The following RUSC2 variants were observed in gnomAD, a reference collection of about 807,000 sequenced individuals.
RUSC2 encodes RUN and SH3 domain containing 2, also known as AP-4 complex accessory subunit RUSC2.
A neutral mutation model predicts 122.2 loss-of-function variants in RUSC2; 34 were observed. The ratio of observed to expected loss-of-function variants is 0.28; its 90% CI spans 0.21 to 0.37. The LOEUF (loss-of-function observed/expected upper bound fraction) is 0.37, where lower values mean the gene tolerates loss of function less well. RUSC2 is among the 10% of genes least tolerant of loss of function. RUSC2 has a pLI of 1.00. For synonymous variants in RUSC2, 784 were observed against 790.0 expected (o/e 0.99, Z 0.13); for missense variants, 1,747 against 1,952.4 (o/e 0.89, Z 1.98).
At chr9:35,522,364 C>A in intron 1 of RUSC2, among the ~76,000 whole-genome samples, 1 of 152,230 alleles carries the variant, frequency 6.6e-6, no homozygotes, top group East Asian at 1.9e-4. Context: ...GGAGGTGCCT[C>A]TGGGGCCCCC....
At chr9:35,497,216 A>T (rs1388332818) in intron 1 of RUSC2, among the ~76,000 whole-genome samples, 1 of 152,178 alleles carries the variant, frequency 6.6e-6, no homozygotes, top group Non-Finnish European at 1.5e-5. Context: ...GAGAGATACG[A>T]CACAGCAGTA....
At chr9:35,520,067 T>C (rs1821183794) in intron 1 of RUSC2, among the ~76,000 whole-genome samples, 2 of 152,250 alleles carry the variant, frequency 1.3e-5, no homozygotes, top group African/African-American at 4.8e-5. Flanking sequence ...TATAAGTTAC[T>C]CTCACTTTAG....
chr9:35,502,915 C>T (rs1179059379), intron 1 of RUSC2, among the ~76,000 whole-genome samples: 2 of 152,010 alleles, frequency 1.3e-5, no homozygotes, highest in Non-Finnish European at 2.9e-5. Context: ...GTCTGAAGTG[C>T]AGTGGTGCAC....
At chr9:35,520,995 C>T (rs1459486480) in intron 1 of RUSC2, among the ~76,000 whole-genome samples, 2 of 152,152 alleles carry the variant, frequency 1.3e-5, no homozygotes, top group Non-Finnish European at 2.9e-5. Flanking sequence ...CCTAATACAT[C>T]CTCAAAAGAA....
intron 1 of RUSC2, among the ~76,000 whole-genome samples, chr9:35,538,437 C>G (rs1403000717): frequency 6.6e-6 from 1 of 152,196 alleles, no homozygotes; most frequent in Admixed American, 6.5e-5. Context: ...AGCCTCCCTT[C>G]TGGGCTTCAG....
At chr9:35,496,955 G>A (rs1347826748) in intron 1 of RUSC2, among the ~76,000 whole-genome samples, 1 of 152,148 alleles carries the variant, frequency 6.6e-6, no homozygotes, top group Non-Finnish European at 1.5e-5. Context: ...AGCACACCTG[G>A]CATAGCTGAG....
At chr9:35,516,965 A>G (rs966425231) in intron 1 of RUSC2, among the ~76,000 whole-genome samples, 10 of 152,244 alleles carry the variant, frequency 6.6e-5, no homozygotes, top group Middle Eastern at 3.2e-3. Flanking sequence ...AATTAGCTTA[A>G]TTTAATTATT....
At chr9:35,552,916 C>G (rs1821929747) in intron 2 of RUSC2, among the ~76,000 whole-genome samples, 1 of 152,218 alleles carries the variant, frequency 6.6e-6, no homozygotes, top group Non-Finnish European at 1.5e-5. Flanking sequence ...CAGTCTGTAT[C>G]CTGGGAACTT....
intron 1 of RUSC2, among the ~76,000 whole-genome samples, chr9:35,493,911 T>C (rs2132482887): frequency 6.6e-6 from 1 of 152,326 alleles, no homozygotes; most frequent in Middle Eastern, 3.4e-3. Context: ...CTTTTGGCTA[T>C]TATGAAAAAT....
rs1249366139 is a variant in RUSC2, at chr9:35,561,051, A to C, written c.4303A>C (p.Ser1435Arg). 6.2e-7 allele frequency: 1 copy of C among 1,614,104 alleles called. No individual in the cohort carries two copies. The highest frequency in any genetic ancestry group is 1.7e-5 in the Admixed American group (1 of 60,020). ...CCGCCGGGAGCCAGAGCCCAAGGAG[A>C]GCCTGCAGGAGCCACACTCCCCAGC... Reference protein sequence around the residue: ...GSRREPEPKESLQEPHSPALP... With the variant: ...GSRREPEPKERLQEPHSPALP... The change falls in exon 11 of 12, where the codon AGC becomes CGC. Residue 1435 changes from serine to arginine, a missense_variant. Physicochemically the swap from Ser to Arg is moderately radical, Grantham distance 110. Transcript: ENST00000361226.
intron 1 of RUSC2, among the ~76,000 whole-genome samples, chr9:35,522,284 A>G (rs1333591183): frequency 6.6e-6 from 1 of 152,232 alleles, no homozygotes; most frequent in Non-Finnish European, 1.5e-5. Flanking sequence ...CTGTCAGTTA[A>G]TTATTTCACT....
chr9:35,530,712 T>C (rs1433943347), intron 1 of RUSC2, among the ~76,000 whole-genome samples: 2 of 151,968 alleles, frequency 1.3e-5, no homozygotes, highest in African/African-American at 4.8e-5. Context: ...CGATCTCTGC[T>C]CACTGCAACC....
intron 1 of RUSC2, among the ~76,000 whole-genome samples, chr9:35,521,235 G>A (rs148461688): frequency 6.6e-5 from 10 of 152,272 alleles, no homozygotes; most frequent in African/African-American, 2.2e-4. Flanking sequence ...GATTGAGCCC[G>A]CTGCTTCCAA....
chr9:35,502,081 G>GA (rs140090132), intron 1 of RUSC2, among the ~76,000 whole-genome samples: 3,405 of 150,814 alleles, frequency 0.023, 119 homozygotes, highest in African/African-American at 0.079. Context: ...AAACTTGATG[G>GA]AAAAAAAAAT....
intron 1 of RUSC2, among the ~76,000 whole-genome samples, chr9:35,516,513 G>A (rs1821111079): frequency 6.6e-6 from 1 of 152,298 alleles, no homozygotes; most frequent in South Asian, 2.1e-4. Context: ...ATGGTTTATG[G>A]TTCATTCTAC....
chr9:35,561,285 T>G lies in RUSC2; in HGVS notation c.4454T>G (p.Leu1485Arg). The change falls in exon 12 of 12, where the codon CTG becomes CGG. Residue 1485 changes from leucine (L) to arginine (R), a missense_variant. Physicochemically the swap from Leu to Arg is moderately radical, Grantham distance 102 (BLOSUM62 -2). Transcript: ENST00000361226. ...RVLGRAGGDW[L>R]RCSRGPDSGL... ...CTGGGGCGAGCTGGAGGAGACTGGCTGCGCTGCAGCCGTGGCCCCGACTCT... is the reference window on the plus strand; with the variant it reads ...CTGGGGCGAGCTGGAGGAGACTGGCGGCGCTGCAGCCGTGGCCCCGACTCT... 1.2e-6 allele frequency: 2 copies of G among 1,614,096 alleles called. No individual in the cohort carries two copies. Among genetic ancestry groups the G allele is most frequent in the African/African-American group, 2.7e-5 (2 of 75,048 alleles).
At chr9:35,535,606 T>C (rs1449637920) in intron 1 of RUSC2, among the ~76,000 whole-genome samples, 2 of 150,904 alleles carry the variant, frequency 1.3e-5, no homozygotes, top group Admixed American at 1.3e-4. Flanking sequence ...TGGCGCCATC[T>C]TGGCTCACTG....
chr9:35,525,149 T>C (rs1352027998), intron 1 of RUSC2, among the ~76,000 whole-genome samples: 2 of 152,178 alleles, frequency 1.3e-5, no homozygotes, highest in Non-Finnish European at 2.9e-5. Flanking sequence ...TTGACATTCT[T>C]TTCTCTGAGG....
chr9:35,543,434 AAAAT>A (rs1309317060), intron 1 of RUSC2, among the ~76,000 whole-genome samples: 1 of 152,204 alleles, frequency 6.6e-6, no homozygotes, highest in Non-Finnish European at 1.5e-5. Context: ...AAAAAAGAAA[AAAAT>A]TGCTTAAATT....
Sources: gnomAD v4.1 joint callset for allele counts (sites outside exome capture counted in the v4.1 genomes callset) on GRCh38, gnomAD v4.1.1 for gene constraint, MANE v1.5 for transcripts, NCBI Gene and HGNC (gene_info 2026-07-23, HGNC 2026-07-21) for gene names.